The following VPS13B variants were observed in gnomAD, a reference collection of about 807,000 sequenced individuals.
The protein encoded by VPS13B is vacuolar protein sorting 13 homolog B, also known as intermembrane lipid transfer protein VPS13B.
In VPS13B, 285 loss-of-function variants were observed where a neutral mutation model predicts 426.4. The observed-to-expected ratio is 0.67, with a 90% CI of 0.61 to 0.74. The LOEUF is 0.74. Among genes scored for constraint, VPS13B ranks in the 30% least tolerant of loss-of-function variants. The pLI is 0.00. For missense variants in VPS13B, 4,537 were observed against 4,782.6 expected, an observed-to-expected ratio of 0.95 and a Z score of 1.51; for synonymous variants, 1,676 against 1,676.4, an observed-to-expected ratio of 1.00 and a Z score of 0.01.
chr8:99,227,230 G>C (rs895583930), intron 17 of VPS13B, among the ~76,000 whole-genome samples: 4 of 152,048 alleles, frequency 2.6e-5, no homozygotes, highest in Admixed American at 2.0e-4. Flanking sequence ...GTTAATCTCT[G>C]TACAAGGCAC....
At chr8:99,335,197 G>A (rs1041067053) in intron 19 of VPS13B, among the ~76,000 whole-genome samples, 3 of 152,040 alleles carry the variant, frequency 2.0e-5, no homozygotes, top group African/African-American at 7.2e-5. Flanking sequence ...TGGGATCGGT[G>A]GTGATATCTC....
At chr8:99,752,542 A>G (rs2130546901) in intron 39 of VPS13B, among the ~76,000 whole-genome samples, 1 of 152,356 alleles carries the variant, frequency 6.6e-6, no homozygotes, top group Admixed American at 6.5e-5. Flanking sequence ...AGCCTAAAGC[A>G]TTTGTTCTAT....
At chr8:99,626,729 T>A (rs190230380) in intron 33 of VPS13B, among the ~76,000 whole-genome samples, 1 of 152,216 alleles carries the variant, frequency 6.6e-6, no homozygotes, top group Non-Finnish European at 1.5e-5. Flanking sequence ...GTATGGAAGT[T>A]CCTAAAATAA....
intron 43 of VPS13B, among the ~76,000 whole-genome samples, chr8:99,797,436 G>T (rs530188731): frequency 6.6e-6 from 1 of 152,144 alleles, no homozygotes; most frequent in African/African-American, 2.4e-5. Context: ...TAAGTTTTGG[G>T]ATTTCTCAAG....
intron 17 of VPS13B, among the ~76,000 whole-genome samples, chr8:99,196,628 G>A (rs1316597779): frequency 2.0e-5 from 3 of 151,742 alleles, no homozygotes; most frequent in African/African-American, 4.8e-5. Context: ...TAGTAGAGAC[G>A]GGGTTTCACC....
At chr8:99,542,177 C>A (rs1186864038) in intron 30 of VPS13B, among the ~76,000 whole-genome samples, 2 of 152,154 alleles carry the variant, frequency 1.3e-5, no homozygotes, top group Non-Finnish European at 2.9e-5. Context: ...ACGTGAGCCA[C>A]CGTGCCTGGC....
intron 23 of VPS13B, among the ~76,000 whole-genome samples, chr8:99,456,447 G>A (rs1298158000): frequency 3.3e-5 from 5 of 152,100 alleles, no homozygotes; most frequent in African/African-American, 4.8e-5. Flanking sequence ...GGGATTACAG[G>A]TGTGAGCCAC....
chr8:99,365,192 G>T, intron 19 of VPS13B, among the ~76,000 whole-genome samples: 6 of 142,328 alleles, frequency 4.2e-5, no homozygotes, highest in Admixed American at 7.0e-5. Flanking sequence ...CTAAAACTTT[G>T]TCAATTTTGT....
intron 31 of VPS13B, among the ~76,000 whole-genome samples, chr8:99,558,617 T>C (rs1447820933): frequency 6.6e-6 from 1 of 151,962 alleles, no homozygotes; most frequent in Non-Finnish European, 1.5e-5. Flanking sequence ...TGTCCAAGTG[T>C]TCTCATTGTT....
At chr8:99,509,288 A>G (rs1284070107) in intron 28 of VPS13B, among the ~76,000 whole-genome samples, 2 of 152,196 alleles carry the variant, frequency 1.3e-5, no homozygotes, top group African/African-American at 4.8e-5. Flanking sequence ...GAAATAAAAA[A>G]GAAGGGGAAT....
chr8:99,496,746 T>G (rs1820907432), intron 25 of VPS13B, among the ~76,000 whole-genome samples: 1 of 152,080 alleles, frequency 6.6e-6, no homozygotes, highest in East Asian at 1.9e-4. Flanking sequence ...CACACATCCT[T>G]CCCTTACAGG....
At chr8:99,469,500 G>A (rs1006365769) in intron 24 of VPS13B, among the ~76,000 whole-genome samples, 4 of 151,842 alleles carry the variant, frequency 2.6e-5, no homozygotes, top group Non-Finnish European at 5.9e-5. Flanking sequence ...AATCAGTAGT[G>A]AATACTTTTG....
intron 30 of VPS13B, among the ~76,000 whole-genome samples, chr8:99,547,564 G>A (rs1156605373): frequency 6.6e-6 from 1 of 151,926 alleles, no homozygotes; most frequent in Admixed American, 6.6e-5. Context: ...AACATGAGCT[G>A]TTCCTTATGT....
intron 15 of VPS13B, among the ~76,000 whole-genome samples, chr8:99,161,732 CTTTT>C (rs374438896): frequency 3.8e-5 from 5 of 131,046 alleles, no homozygotes; most frequent in Non-Finnish European, 4.9e-5. Context: ...GTACTAAATC[CTTTT>C]TTTTTTTTTT....
In VPS13B at chr8:99,798,951, G is replaced by A. The variant is rs535075470; in HGVS notation, c.7942-10424G>A. ...TTAAGTAATGGGAAATACTGATTAA[G>A]AATGTTATAAAGATTTCAGCATACA... is the stretch of plus-strand genomic sequence containing the variant. On this transcript the variant is annotated intron_variant, in intron 43 of 61. Coordinates refer to ENST00000357162, the MANE Select transcript of VPS13B (RefSeq NM_152564.5). 9 of 152,298 alleles carry A rather than the reference G, an allele frequency of 5.9e-5. No homozygotes were observed. The South Asian group carries it at 1.7e-3, about 28-fold the overall frequency. The allele number at this position is 152,298 out of a possible 1,614,324, so 9.4% of individuals were successfully genotyped here. A position where few individuals can be genotyped will look rare whatever the true frequency, so the allele number is the denominator to read the frequency against.
At chr8:99,478,447 G>GTTTTTTTTTTTTTTTTTTTTT (rs56261645) in intron 24 of VPS13B, among the ~76,000 whole-genome samples, 20 of 85,750 alleles carry the variant, frequency 2.3e-4, no homozygotes, top group African/African-American at 3.6e-4. Context: ...TTTTTGTTTT[G>GTTTTTTTTTTTTTTTTTTTTT]TTTTTTTTTT....
chr8:99,016,752 G>A (rs1023091886), intron 2 of VPS13B, among the ~76,000 whole-genome samples: 23 of 151,714 alleles, frequency 1.5e-4, no homozygotes, highest in Non-Finnish European at 1.6e-4. Flanking sequence ...CACCATGCCC[G>A]GCTAATTTTT....
chr8:99,415,761 A>G (rs1007376766), intron 21 of VPS13B, among the ~76,000 whole-genome samples: 2 of 152,184 alleles, frequency 1.3e-5, no homozygotes, highest in African/African-American at 4.8e-5. Context: ...AACAGCAAAG[A>G]TTGCTGCCTG....
intron 27 of VPS13B, among the ~76,000 whole-genome samples, chr8:99,506,296 T>A (rs897135502): frequency 6.6e-6 from 1 of 152,222 alleles, no homozygotes; most frequent in Non-Finnish European, 1.5e-5. Flanking sequence ...TGGCTTTTGA[T>A]AATAGAATGT....
Sources: gnomAD v4.1 joint callset for allele counts (sites outside exome capture counted in the v4.1 genomes callset) on GRCh38, gnomAD v4.1.1 for gene constraint, MANE v1.5 for transcripts, NCBI Gene and HGNC (gene_info 2026-07-23, HGNC 2026-07-21) for gene names.